TSPAN5: variants seen among roughly 807,000 people sequenced by gnomAD.
TSPAN5 encodes tetraspanin 5.
TSPAN5 carries 10 observed loss-of-function variants against 37.1 expected under a neutral mutation model. The observed-to-expected ratio is 0.27, with a 90% confidence interval of 0.17 to 0.46. The LOEUF (loss-of-function observed/expected upper bound fraction) is 0.46, where lower values mean the gene tolerates loss of function less well. Ranked by LOEUF, TSPAN5 falls within the 20% of genes least tolerant of loss-of-function variation. The pLI, the probability that TSPAN5 is intolerant of heterozygous loss-of-function variation, is 1.00. For missense variants in TSPAN5, 195 were observed against 326.6 expected, an observed-to-expected ratio of 0.60 and a Z score of 3.11; for synonymous variants, 110 against 118.9, an observed-to-expected ratio of 0.93 and a Z score of 0.48.
intron 1 of TSPAN5, among the ~76,000 whole-genome samples, chr4:98,608,436 A>G (rs545966121): frequency 4.8e-4 from 73 of 152,272 alleles, no homozygotes; most frequent in Middle Eastern, 3.4e-3. Flanking sequence ...CACTGGAGTC[A>G]ATCACATGGA....
intron 2 of TSPAN5, among the ~76,000 whole-genome samples, chr4:98,499,029 G>A (rs190627261): frequency 3.2e-4 from 48 of 152,344 alleles, no homozygotes; most frequent in Non-Finnish European, 5.4e-4. Flanking sequence ...AGAGGGCAGA[G>A]CTCAGAGGTG....
At chr4:98,486,652 C>A (rs780222356) in intron 3 of TSPAN5, 86 bp downstream of exon 3, 7 of 1,510,960 alleles carry the variant, frequency 4.6e-6, no homozygotes, top group Non-Finnish European at 5.5e-6. Context: ...TGGTACAGCT[C>A]ACTGTCTTGC....
chr4:98,645,737 A>T (rs1359228264), intron 1 of TSPAN5, among the ~76,000 whole-genome samples: 5 of 152,190 alleles, frequency 3.3e-5, no homozygotes, highest in Admixed American at 3.3e-4. Flanking sequence ...GTGTTTACGC[A>T]ACAGGGAGTC....
At chr4:98,586,940 G>C (rs183111990) in intron 1 of TSPAN5, among the ~76,000 whole-genome samples, 290 of 152,338 alleles carry the variant, frequency 1.9e-3, no homozygotes, top group Non-Finnish European at 2.6e-3. Context: ...AAGGGAAAAG[G>C]GGAGCCAAAG....
intron 1 of TSPAN5, among the ~76,000 whole-genome samples, chr4:98,511,845 C>T (rs1276438480): frequency 1.3e-5 from 2 of 152,030 alleles, no homozygotes; most frequent in Admixed American, 6.5e-5. Context: ...AATGTTGGTA[C>T]AAAGTATCCC....
rs1204981272 is a variant in TSPAN5, at chr4:98,486,436, T to A, written c.279+302A>T. The stretch of plus-strand genomic sequence containing the variant: ...TGGGAAGGAATCACTTAGAAGAAAA[T>A]ATATATATATACCTACCTTAGTCCT... On this transcript the variant is annotated intron_variant, in intron 3 of 7. Coordinates refer to ENST00000305798, the MANE Select transcript of TSPAN5 (RefSeq NM_005723.4). The A allele has an allele frequency of 2.9e-5, 7 of 237,740 alleles. No homozygotes were observed. The East Asian group carries it at 6.3e-4, about 21-fold the overall frequency. The allele number at this position is 237,740 out of a possible 1,614,324, so 14.7% of individuals were successfully genotyped here.
intron 1 of TSPAN5, among the ~76,000 whole-genome samples, chr4:98,624,374 G>A (rs181793729): frequency 2.7e-3 from 418 of 152,216 alleles, no homozygotes; most frequent in Non-Finnish European, 4.6e-3. Flanking sequence ...CAGACTAAGT[G>A]CAGCATAATG....
intron 1 of TSPAN5, among the ~76,000 whole-genome samples, chr4:98,525,153 T>C (rs542764794): frequency 1.3e-5 from 2 of 152,334 alleles, no homozygotes; most frequent in African/African-American, 4.8e-5. Context: ...TGTGTAAACA[T>C]AAAATGGGTC....
rs1752612888 is a variant in TSPAN5, at chr4:98,472,548, T to C, written c.781A>G (p.Ile261Val). 9 of 1,614,034 alleles carry C rather than the reference T, an allele frequency of 5.6e-6. No homozygotes were observed. The highest frequency in any genetic ancestry group is 7.6e-6 in the Non-Finnish European group (9 of 1,179,984). ...TACCAGCTCGCCCTGACAGCTTCGA[T>C]ATCGCTAACCAAATTCTGGGCCAGG... ...ICLAQNLVSD[I>V]EAVRASW The change falls in exon 8 of 8, where the codon ATC becomes GTC. Residue 261 changes from isoleucine (I) to valine (V), a missense_variant. Ile to Val is a conservative substitution (Grantham distance 29). Transcript: ENST00000305798.
chr4:98,656,574 C>G (rs932963794), intron 1 of TSPAN5, among the ~76,000 whole-genome samples: 6 of 152,192 alleles, frequency 3.9e-5, no homozygotes, highest in Non-Finnish European at 5.9e-5. Context: ...TCTTCCTGTA[C>G]TTGTAGCAGT....
chr4:98,475,559 A>T (rs1345859859), intron 7 of TSPAN5, among the ~76,000 whole-genome samples: 5 of 152,246 alleles, frequency 3.3e-5, no homozygotes, highest in Admixed American at 6.5e-5. Flanking sequence ...AGTTGCCACA[A>T]TGCAGTATTT....
Position 98,562,556 on chromosome 4 carries a change from G to C in TSPAN5, c.82-54828C>G, listed in dbSNP as rs532427596. On this transcript the variant is annotated intron_variant, in intron 1 of 7. Transcript: ENST00000305798. ...CATGCCTGTAGTCCCAGCTACTCAG[G>C]AGGCTGAGGCAGGAGAACTGCCTGA... Among the ~76,000 whole-genome samples, 3 of 152,228 alleles carry C rather than the reference G, an allele frequency of 2.0e-5. 1 individual carries two copies. In the East Asian group the frequency reaches 5.8e-4, roughly 29 times the overall value.
In TSPAN5 at chr4:98,482,068, G is replaced by T. The variant is rs1752850258; in HGVS notation, c.387C>A (p.Asn129Lys). 4 of 1,614,030 alleles carry T rather than the reference G, an allele frequency of 2.5e-6. No homozygotes were observed. Among genetic ancestry groups the T allele is most frequent in the Non-Finnish European group, 3.4e-6 (4 of 1,180,000 alleles). Residue 129 changes from asparagine (N) to lysine (K), a missense_variant, in exon 4 of 8, where the codon AAC becomes AAA. Physicochemically the swap from Asn to Lys is moderately conservative, Grantham distance 94. Transcript: ENST00000305798. Reference protein sequence around the residue: ...IKDQLYFFINNNIRAYRDDID... With the variant: ...IKDQLYFFINKNIRAYRDDID... ...TGTCATCCCGATATGCTCTGATGTT[G>T]TTGTTTATAAAGAAATACAGCTGGT...
At chr4:98,627,497 A>T (rs1403166756) in intron 1 of TSPAN5, among the ~76,000 whole-genome samples, 1 of 152,214 alleles carries the variant, frequency 6.6e-6, no homozygotes, top group Non-Finnish European at 1.5e-5. Context: ...CCACTGAATA[A>T]AACAGGGAAA....
intron 1 of TSPAN5, among the ~76,000 whole-genome samples, chr4:98,562,521 C>T (rs918171232): frequency 3.3e-5 from 5 of 151,936 alleles, no homozygotes; most frequent in East Asian, 1.9e-4. Context: ...ATTAGTTGGG[C>T]GTGGTGGGGC....
At chr4:98,625,899 A>C (rs1357780763) in intron 1 of TSPAN5, among the ~76,000 whole-genome samples, 2 of 152,256 alleles carry the variant, frequency 1.3e-5, no homozygotes, top group Non-Finnish European at 2.9e-5. Flanking sequence ...TTTTAAGAGA[A>C]AATTTATACT....
intron 1 of TSPAN5, among the ~76,000 whole-genome samples, chr4:98,576,914 C>T (rs144250425): frequency 0.013 from 1,930 of 152,182 alleles, 33 homozygotes; most frequent in African/African-American, 0.044. Context: ...TACCCGCCAC[C>T]ACATCTGGCT....
chr4:98,478,549 A>C (rs1244305580), intron 5 of TSPAN5, 136 bp downstream of exon 5: 14 of 1,037,304 alleles, frequency 1.3e-5, no homozygotes, highest in Non-Finnish European at 2.0e-5. Context: ...TTTGAGCACC[A>C]TAACCCCCTA....
At chr4:98,546,304 A>G (rs6532744) in intron 1 of TSPAN5, among the ~76,000 whole-genome samples, 91,071 of 151,994 alleles carry the variant, frequency 0.6, 27,600 homozygotes, top group South Asian at 0.75. Flanking sequence ...GTTCTGCTGT[A>G]CCACATAAAG....
Sources: gnomAD v4.1 joint callset for allele counts (sites outside exome capture counted in the v4.1 genomes callset) on GRCh38, gnomAD v4.1.1 for gene constraint, MANE v1.5 for transcripts, NCBI Gene and HGNC (gene_info 2026-07-23, HGNC 2026-07-21) for gene names.